The following SLC26A7 variants were observed in gnomAD, a reference collection of about 807,000 sequenced individuals.
SLC26A7 encodes solute carrier family 26 member 7.
In SLC26A7, 59 loss-of-function variants were observed where a neutral mutation model predicts 82.5. That is an observed-to-expected ratio of 0.72 (90% CI 0.58 to 0.89). SLC26A7 has a LOEUF of 0.89. Among genes scored for constraint, SLC26A7 ranks in the 40% least tolerant of loss-of-function variants. SLC26A7 has a pLI of 0.00. For synonymous variants in SLC26A7, 271 were observed against 274.3 expected, an observed-to-expected ratio of 0.99 and a Z score of 0.12; for missense variants, 820 against 793.0, an observed-to-expected ratio of 1.03 and a Z score of -0.41.
At chr8:91,354,566 G>A (rs1234316918) in intron 11 of SLC26A7, among the ~76,000 whole-genome samples, 7 of 152,222 alleles carry the variant, frequency 4.6e-5, no homozygotes, top group Admixed American at 3.3e-4. Flanking sequence ...AGAATAAAAT[G>A]TATGTATTAG....
At chr8:91,244,602 C>A (rs182024755), upstream of SLC26A7, among the ~76,000 whole-genome samples, 10 of 151,766 alleles carry the variant, frequency 6.6e-5, no homozygotes, top group Non-Finnish European at 1.2e-4. Context: ...CTCCTGAGTT[C>A]AAGTGATCCT....
At position 91,352,956 on chromosome 8, in the gene SLC26A7, G is replaced by A. The variant is rs147565233; in HGVS notation, c.1274G>A (p.Arg425Gln). The change falls in exon 11 of 19, where the codon CGA (arginine) becomes CAA (glutamine). Residue 425 changes from arginine to glutamine, a missense_variant. By Grantham distance (43) the Arg-to-Gln change is conservative. Transcript: ENST00000276609. ...CTGAAGGGAATGCTAATACAGTTCC[G>A]AGATTTAAAAAAATATTGGAATGTG... ...VGLKGMLIQFRDLKKYWNVDK... is the reference protein window; with the variant it reads ...VGLKGMLIQFQDLKKYWNVDK... The A allele has an allele frequency of 1.3e-4, 208 of 1,607,902 alleles. No individual in the cohort carries two copies. In the African/African-American group the frequency reaches 2.0e-3, roughly 15 times the overall value.
At chr8:91,348,928 C>A (rs955077240) in intron 9 of SLC26A7, among the ~76,000 whole-genome samples, 64 of 152,138 alleles carry the variant, frequency 4.2e-4, no homozygotes, top group African/African-American at 1.5e-3. Context: ...TTATACACTG[C>A]AAATATTTGA....
chr8:91,362,522 C>T, intron 12 of SLC26A7, 63 bp downstream of exon 12: 1 of 1,236,894 alleles, frequency 8.1e-7, no homozygotes, highest in Admixed American at 1.8e-5. Flanking sequence ...GGTTACTTGC[C>T]ATATGGTACT....
intron 8 of SLC26A7, among the ~76,000 whole-genome samples, chr8:91,340,959 C>A (rs951729872): frequency 1.3e-5 from 2 of 150,768 alleles, no homozygotes; most frequent in Non-Finnish European, 1.5e-5. Context: ...GATCATATTT[C>A]TGAAAATACT....
In SLC26A7 at chr8:91,374,114, CTT is replaced by C. The variant is rs375131065; in HGVS notation, c.1675+4288_1675+4289del. Reference sequence around the variant, plus strand: ...CATTGTGCTTATTTGAATCTTCTCTCTTTTTTTTCTTTTGGTTTATCTAGCTA... The same window carrying C: ...CATTGTGCTTATTTGAATCTTCTCTCTTTTTTCTTTTGGTTTATCTAGCTA... On this transcript the variant is annotated intron_variant, in intron 15 of 18. Transcript: ENST00000276609. Among the ~76,000 whole-genome samples the C allele has an allele frequency of 1.7e-3, 253 of 151,694 alleles. 2 individuals are homozygous for C. The East Asian group carries it at 0.042, about 25-fold the overall frequency.
chr8:91,344,005 G>A, intron 9 of SLC26A7: 1 of 964,048 alleles, frequency 1.0e-6, no homozygotes, highest in South Asian at 4.8e-5. Context: ...GCTGGGTACT[G>A]GTAAGATGAT....
At chr8:91,355,800 A>G (rs1178432851) in intron 11 of SLC26A7, among the ~76,000 whole-genome samples, 1 of 152,060 alleles carries the variant, frequency 6.6e-6, no homozygotes, top group African/African-American at 2.4e-5. Flanking sequence ...ATATGTATAC[A>G]TGTGCCATGT....
upstream of SLC26A7, among the ~76,000 whole-genome samples, chr8:91,247,094 A>C (rs1810554521): frequency 6.6e-6 from 1 of 152,206 alleles, no homozygotes; most frequent in Admixed American, 6.5e-5. Context: ...GAAGGACTGC[A>C]TTGCTTCCAC....
intron 15 of SLC26A7, among the ~76,000 whole-genome samples, chr8:91,370,626 A>G (rs1216172492): frequency 1.3e-5 from 2 of 152,064 alleles, no homozygotes; most frequent in Non-Finnish European, 2.9e-5. Flanking sequence ...AAGTTTAATT[A>G]TCTTTCTTTG....
chr8:91,266,301 AT>A (rs1300220457), intron 2 of SLC26A7, among the ~76,000 whole-genome samples: 7 of 151,846 alleles, frequency 4.6e-5, no homozygotes, highest in Non-Finnish European at 7.4e-5. Context: ...TAGGGATTGC[AT>A]TTAATCTGTA....
At position 91,393,937 on chromosome 8, in the gene SLC26A7, T is replaced by C; in HGVS notation, c.1833T>C (p.Ala611=). 6.2e-7 allele frequency: 1 copy of C among 1,613,470 alleles called. No homozygotes were observed. Among genetic ancestry groups the C allele is most frequent in the Non-Finnish European group, 8.5e-7 (1 of 1,179,550 alleles). Residue 611 remains alanine (A), a splice_region_variant and synonymous_variant, in exon 18 of 19, where the codon GCT becomes GCC. Coordinates refer to ENST00000276609, the MANE Select transcript of SLC26A7 (RefSeq NM_052832.4). Reference sequence around the variant, plus strand: ...TATATCACTTGTGCTTTCTTGAAGCTTCCTTGATAAAAGCAATGACGTATT... The same window carrying C: ...TATATCACTTGTGCTTTCTTGAAGCCTCCTTGATAAAAGCAATGACGTATT... ...SVDVLLAHCT[A]SLIKAMTYYG...
At chr8:91,302,497 CATA>C (rs1175504288) in intron 4 of SLC26A7, among the ~76,000 whole-genome samples, 1 of 152,028 alleles carries the variant, frequency 6.6e-6, no homozygotes, top group African/African-American at 2.4e-5. Flanking sequence ...CTTATACAAC[CATA>C]ATAATGTAAT....
chr8:91,261,234 G>T (rs572992683), intron 2 of SLC26A7, among the ~76,000 whole-genome samples: 5 of 152,070 alleles, frequency 3.3e-5, no homozygotes, highest in Admixed American at 2.6e-4. Context: ...AAAGAATACA[G>T]CCTTTTGCTA....
At chr8:91,349,106 T>C (rs1053640958) in intron 9 of SLC26A7, among the ~76,000 whole-genome samples, 9 of 152,178 alleles carry the variant, frequency 5.9e-5, no homozygotes, top group African/African-American at 1.9e-4. Context: ...GCAGACACTA[T>C]AATATTAATT....
At chr8:91,234,791 C>CCTA (rs1563637408) in intron 2 of SLC26A7, among the ~76,000 whole-genome samples, 49 of 121,526 alleles carry the variant, frequency 4.0e-4, no homozygotes, top group South Asian at 9.8e-4. Flanking sequence ...TTCCCTCCCT[C>CCTA]CCTACCTACC....
At chr8:91,390,771 G>T (rs1309182489) in intron 16 of SLC26A7, among the ~76,000 whole-genome samples, 1 of 152,020 alleles carries the variant, frequency 6.6e-6, no homozygotes, top group Admixed American at 6.5e-5. Context: ...ATTTTTAATG[G>T]GTCCCCCTCA....
At chr8:91,279,125 GTATATATATATATATATA>G (rs55869816) in intron 2 of SLC26A7, among the ~76,000 whole-genome samples, 44 of 111,294 alleles carry the variant, frequency 4.0e-4, no homozygotes, top group African/African-American at 1.3e-3. Context: ...GTGTGTGTGT[GTATATATATATATATATA>G]TATATATATA....
In SLC26A7 at chr8:91,363,651, T is replaced by A. The variant is rs1586456240; in HGVS notation, c.1488+113T>A. On this transcript the variant is annotated intron_variant, in intron 13 of 18. Transcript: ENST00000276609. ...TATGATAGTTAAAAATATAACTTTT[T>A]AATTAGTATAAACTTCCAGTGGTAC... is the stretch of plus-strand genomic sequence containing the variant. 5.2e-6 allele frequency: 3 copies of A among 573,050 alleles called. No homozygotes were observed. The East Asian group carries it at 1.0e-4, about 20-fold the overall frequency. 35.5% of individuals were successfully genotyped at this position (573,050 alleles called of 1,614,324 possible). A position where few individuals can be genotyped will look rare whatever the true frequency, so the allele number is the denominator to read the frequency against.
Sources: gnomAD v4.1 joint callset for allele counts (sites outside exome capture counted in the v4.1 genomes callset) on GRCh38, gnomAD v4.1.1 for gene constraint, MANE v1.5 for transcripts, NCBI Gene and HGNC (gene_info 2026-07-23, HGNC 2026-07-21) for gene names.